Variants in SNX29 observed in about 807,000 individuals in gnomAD.
SNX29 encodes the protein sorting nexin-29.
SNX29 carries 78 observed loss-of-function variants against 102.1 expected under a neutral mutation model. That is an observed-to-expected ratio of 0.76 (90% CI 0.64 to 0.92). The LOEUF is 0.92. Ranked by LOEUF, SNX29 falls within the 40% of genes least tolerant of loss-of-function variation. SNX29 has a pLI of 0.00. For missense variants in SNX29, 1,280 were observed against 1,061.7 expected (o/e 1.21, Z -2.86); for synonymous variants, 580 against 414.5 (o/e 1.40, Z -4.85).
At chr16:12,452,608 T>C (rs2303286) in intron 18 of SNX29, among the ~76,000 whole-genome samples, 101,704 of 151,762 alleles carry the variant, frequency 0.67, 35,141 homozygotes, top group African/African-American at 0.84. Context: ...TGGAAGTTGC[T>C]CCAATCATTT....
intron 5 of SNX29, among the ~76,000 whole-genome samples, chr16:12,044,879 CCTA>C (rs1387064373): frequency 6.6e-6 from 1 of 152,302 alleles, no homozygotes; most frequent in East Asian, 1.9e-4. Context: ...CTGTGTCTGG[CCTA>C]CTCCTTTTTT....
intron 16 of SNX29, among the ~76,000 whole-genome samples, chr16:12,377,224 G>A (rs948242573): frequency 2.0e-5 from 3 of 152,150 alleles, no homozygotes; most frequent in Non-Finnish European, 4.4e-5. Flanking sequence ...ATTAGTCAAC[G>A]TAGGTTCAGT....
At chr16:12,299,409 CG>C (rs1300297763) in intron 15 of SNX29, among the ~76,000 whole-genome samples, 15 of 152,146 alleles carry the variant, frequency 9.9e-5, no homozygotes, top group Non-Finnish European at 2.2e-4. Flanking sequence ...AGCCCATGGA[CG>C]GTGTTTAGTT....
Position 12,569,701 on chromosome 16 carries a change from G to C in SNX29, c.*1072G>C, listed in dbSNP as rs200762344. On this transcript the variant is annotated 3_prime_UTR_variant, in exon 21 of 21. Transcript: ENST00000566228. The stretch of plus-strand genomic sequence containing the variant: ...GAGTACAGGGACCTTGGCAGGTGGA[G>C]AGGAGGATGGGGACCAGCAGCTGGG... The C allele has an allele frequency of 5.2e-5, 12 of 230,554 alleles. No homozygotes were observed. The East Asian group carries it at 5.5e-4, about 11-fold the overall frequency. The allele number at this position is 230,554 out of a possible 1,614,324, so 14.3% of individuals were successfully genotyped here.
At chr16:12,389,392 G>T (rs967764947) in intron 16 of SNX29, among the ~76,000 whole-genome samples, 1 of 152,096 alleles carries the variant, frequency 6.6e-6, no homozygotes, top group African/African-American at 2.4e-5. Flanking sequence ...TGTTCTCATG[G>T]TAGTGATTAA....
intron 18 of SNX29, among the ~76,000 whole-genome samples, chr16:12,409,421 C>CTTTTTTTTTTTTT (rs71139589): frequency 2.2e-5 from 2 of 89,638 alleles, no homozygotes; most frequent in African/African-American, 4.5e-5. Flanking sequence ...GATTCACTGT[C>CTTTTTTTTTTTTT]TTTTTTTTTT....
chr16:12,049,367 C>T (rs1222640857), intron 7 of SNX29, among the ~76,000 whole-genome samples: 2 of 150,662 alleles, frequency 1.3e-5, no homozygotes, highest in Non-Finnish European at 2.9e-5. Context: ...GAGTCTCACT[C>T]TATTGCCCGG....
chr16:12,568,203 C>G (rs545379646), intron 20 of SNX29, among the ~76,000 whole-genome samples: 4 of 151,406 alleles, frequency 2.6e-5, no homozygotes, highest in South Asian at 2.1e-4. Flanking sequence ...AAAGCTGTGC[C>G]TAGAACATTC....
chr16:12,366,543 G>A (rs939001687), intron 16 of SNX29, among the ~76,000 whole-genome samples: 2 of 152,204 alleles, frequency 1.3e-5, no homozygotes, highest in African/African-American at 4.8e-5. Flanking sequence ...GCTGTGGGGT[G>A]CAGTGGGCCT....
intron 8 of SNX29, 87 bp from the exon 9 acceptor site, chr16:12,061,441 T>G (rs1284182021): frequency 7.9e-6 from 9 of 1,132,122 alleles, no homozygotes; most frequent in South Asian, 1.4e-5. Flanking sequence ...TGGTTAGTTC[T>G]CAGGAGGGTG....
intron 15 of SNX29, among the ~76,000 whole-genome samples, 189 bp downstream of exon 15, chr16:12,278,225 T>C (rs1031300329): frequency 6.6e-6 from 1 of 152,142 alleles, no homozygotes; most frequent in Admixed American, 6.5e-5. Flanking sequence ...CTTTGAAAAA[T>C]GTCACTTAAA....
chr16:12,142,447 G>A (rs2054900260), intron 13 of SNX29, among the ~76,000 whole-genome samples: 1 of 152,154 alleles, frequency 6.6e-6, no homozygotes, highest in Non-Finnish European at 1.5e-5. Flanking sequence ...TTGGGGGCTG[G>A]GGGTGAGTAC....
intron 11 of SNX29, among the ~76,000 whole-genome samples, chr16:12,119,383 C>G (rs1245647231): frequency 6.6e-6 from 1 of 152,086 alleles, no homozygotes; most frequent in Non-Finnish European, 1.5e-5. Context: ...AGAGAGAAAA[C>G]CAAAAAATTA....
intron 14 of SNX29, among the ~76,000 whole-genome samples, chr16:12,249,598 G>C (rs777951912): frequency 1.4e-4 from 21 of 152,222 alleles, no homozygotes; most frequent in Admixed American, 2.0e-4. Context: ...AGCCTGCCGG[G>C]TCTGAATCTT....
chr16:12,084,147 ATT>A (rs74839237), intron 11 of SNX29, among the ~76,000 whole-genome samples: 43,477 of 146,986 alleles, frequency 0.3, 6,514 homozygotes, highest in South Asian at 0.38. Flanking sequence ...GAAAAAGTTA[ATT>A]TTTTTTTTTT....
chr16:12,033,835 G>A (rs2057406187), intron 4 of SNX29, among the ~76,000 whole-genome samples: 1 of 151,870 alleles, frequency 6.6e-6, no homozygotes, highest in Non-Finnish European at 1.5e-5. Context: ...TCGAACTACT[G>A]ACTTCAGGTG....
intron 18 of SNX29, among the ~76,000 whole-genome samples, chr16:12,467,600 G>A (rs1038399014): frequency 1.4e-5 from 2 of 144,324 alleles, no homozygotes; most frequent in African/African-American, 2.8e-5. Context: ...TCGTTCATTC[G>A]TTTGTTCGTT....
intron 14 of SNX29, among the ~76,000 whole-genome samples, chr16:12,276,225 A>T (rs1017233373): frequency 3.3e-5 from 5 of 152,008 alleles, no homozygotes; most frequent in African/African-American, 9.7e-5. Flanking sequence ...TTTTGAGAGG[A>T]TGTGAGTGTA....
chr16:12,362,393 C>T (rs1321518267), intron 16 of SNX29, among the ~76,000 whole-genome samples: 2 of 152,182 alleles, frequency 1.3e-5, no homozygotes, highest in Non-Finnish European at 2.9e-5. Flanking sequence ...ACCACCTCCT[C>T]CCAGCCTCCT....
Sources: gnomAD v4.1 joint callset for allele counts (sites outside exome capture counted in the v4.1 genomes callset) on GRCh38, gnomAD v4.1.1 for gene constraint, MANE v1.5 for transcripts, NCBI Gene and HGNC (gene_info 2026-07-23, HGNC 2026-07-21) for gene names.